The following PTGR3 variants were observed in gnomAD, a reference collection of about 807,000 sequenced individuals.
The protein encoded by PTGR3 is prostaglandin reductase 3, also known as zinc binding alcohol dehydrogenase domain containing 2.
the PTGR3 span, chr18:75,201,456 A>T: frequency 2.5e-6 from 4 of 1,612,886 alleles, no homozygotes; most frequent in Non-Finnish European, 3.4e-6. Context: ...TTCAACTACA[A>T]TTTTTCCAGT....
chr18:75,201,955 G>A, the PTGR3 span: 1 of 1,614,086 alleles, frequency 6.2e-7, no homozygotes, highest in Admixed American at 1.7e-5. Context: ...CCAATTACAT[G>A]GCACTTTGCC....
At chr18:75,201,724 G>T in the PTGR3 span, 1 of 1,614,204 alleles carries the variant, frequency 6.2e-7, no homozygotes, top group Non-Finnish European at 8.5e-7. Context: ...GTAGGAGTTT[G>T]GTAGCCAGAG....
the PTGR3 span, among the ~76,000 whole-genome samples, chr18:75,206,545 T>A: frequency 6.6e-6 from 1 of 152,170 alleles, no homozygotes; most frequent in Non-Finnish European, 1.5e-5. Flanking sequence ...TCTTAAAAAA[T>A]TCGGTAAAAT....
the PTGR3 span, chr18:75,205,061 C>T: frequency 1.3e-6 from 1 of 789,796 alleles, no homozygotes; most frequent in Non-Finnish European, 1.5e-6. Flanking sequence ...CTCCTCGCGC[C>T]GCGCTGTCTC....
chr18:75,209,102 TCGGCCCCCGCCCGGGC>T, the PTGR3 span: 3 of 1,420,540 alleles, frequency 2.1e-6, no homozygotes, highest in Non-Finnish European at 2.8e-6. The surrounding 1 kb of genome is among the most constrained non-coding windows in gnomAD (Gnocchi z 4.7). Flanking sequence ...CTGGCCGGGG[TCGGCCCCCGCCCGGGC>T]CGCTCGGCTC....
chr18:75,197,536 C>T, the PTGR3 span: 27 of 152,236 alleles, frequency 1.8e-4, no homozygotes, highest in African/African-American at 4.8e-4. Context: ...CCACACCAAC[C>T]GTACTGATAA....
chr18:75,202,119 G>T, the PTGR3 span: 2 of 1,613,956 alleles, frequency 1.2e-6, no homozygotes, highest in Non-Finnish European at 1.7e-6. Context: ...TTTCACTGAG[G>T]GCACTGGAGT....
chr18:75,208,242 C>G, the PTGR3 span: 2 of 868,162 alleles, frequency 2.3e-6, no homozygotes, highest in East Asian at 2.4e-4. Context: ...ACGCGGCGGT[C>G]GTTAACACTC....
chr18:75,207,889 C>A, the PTGR3 span, among the ~76,000 whole-genome samples: 3 of 152,168 alleles, frequency 2.0e-5, no homozygotes, highest in African/African-American at 4.8e-5. Context: ...TATTATTATT[C>A]AACTTGACAC....
At chr18:75,205,090 G>A in the PTGR3 span, 3 of 934,162 alleles carry the variant, frequency 3.2e-6, no homozygotes, top group Non-Finnish European at 3.8e-6. Context: ...CCCTGCCTCC[G>A]GTTCGCGGAC....
chr18:75,199,188 A>C, the PTGR3 span: 1 of 152,630 alleles, frequency 6.6e-6, no homozygotes, highest in Non-Finnish European at 1.5e-5. Flanking sequence ...AGCTGCATTT[A>C]GTATATTCCC....
chr18:75,204,277 T>G, the PTGR3 span, among the ~76,000 whole-genome samples: 23,503 of 152,130 alleles, frequency 0.15, 2,470 homozygotes, highest in Middle Eastern at 0.31. Context: ...CGCCCCAGGC[T>G]GTGGTTTGCC....
the PTGR3 span, chr18:75,209,121 C>G: frequency 7.4e-7 from 1 of 1,355,808 alleles, no homozygotes; most frequent in Non-Finnish European, 9.5e-7. This position sits in a 1 kb window ranked among gnomAD's most constrained non-coding sequence, Gnocchi z 4.7. Flanking sequence ...GCCCGGGCCG[C>G]TCGGCTCGGC....
the PTGR3 span, chr18:75,201,751 T>C: frequency 6.2e-7 from 1 of 1,614,234 alleles, no homozygotes; most frequent in Non-Finnish European, 8.5e-7. Context: ...CCTATTACTA[T>C]CAAGCGCCCT....
At chr18:75,206,368 C>G in the PTGR3 span, among the ~76,000 whole-genome samples, 1 of 152,200 alleles carries the variant, frequency 6.6e-6, no homozygotes, top group African/African-American at 2.4e-5. Context: ...CACCAAACAT[C>G]TTTCCCAACA....
At chr18:75,201,564 A>C in the PTGR3 span, 1 of 1,614,176 alleles carries the variant, frequency 6.2e-7, no homozygotes, top group Non-Finnish European at 8.5e-7. Flanking sequence ...CACCTCACAA[A>C]CCAGGTCTCC....
At chr18:75,197,121 T>C in the PTGR3 span, 2 of 152,280 alleles carry the variant, frequency 1.3e-5, no homozygotes, top group East Asian at 3.9e-4. Flanking sequence ...TTCCTCCTTT[T>C]ACAAGGGGGA....
At chr18:75,205,405 T>C in the PTGR3 span, 1 of 984,444 alleles carries the variant, frequency 1.0e-6, no homozygotes, top group Non-Finnish European at 1.2e-6. Flanking sequence ...ACTGTGTGCA[T>C]GCAGTGAGCG....
chr18:75,195,212 T>C, the PTGR3 span: 2 of 152,252 alleles, frequency 1.3e-5, no homozygotes, highest in Non-Finnish European at 2.9e-5. Flanking sequence ...ATTAATTCCA[T>C]TGAGGCTAAT....
Sources: gnomAD v4.1 joint callset for allele counts (sites outside exome capture counted in the v4.1 genomes callset) on GRCh38, gnomAD v4.1.1 for gene constraint, Gnocchi (gnomAD v3.1) non-coding constraint, MANE v1.5 for transcripts, NCBI Gene and HGNC (gene_info 2026-07-23, HGNC 2026-07-21) for gene names.